Variants in TNPO1 observed in about 807,000 individuals in gnomAD.
TNPO1 encodes the protein transportin-1.
In TNPO1, 8 loss-of-function variants were observed where a neutral mutation model predicts 119.5. The observed-to-expected ratio is 0.07, with a 90% CI of 0.04 to 0.12. The LOEUF is 0.12. Ranked by LOEUF, TNPO1 falls within the 10% of genes least tolerant of loss-of-function variation. The probability of loss-of-function intolerance (pLI) is 1.00; values close to 1 mark genes in which losing one functional copy is unlikely to be tolerated. For missense variants in TNPO1, 576 were observed against 1,089.8 expected, an observed-to-expected ratio of 0.53 and a Z score of 6.64; for synonymous variants, 362 against 363.0, an observed-to-expected ratio of 1.00 and a Z score of 0.03.
chr5:72,878,063 C>CT, intron 9 of TNPO1, among the ~76,000 whole-genome samples: 1 of 152,000 alleles, frequency 6.6e-6, no homozygotes, highest in East Asian at 1.9e-4. Flanking sequence ...TGTCATTAGT[C>CT]TTTAAAACTT....
At chr5:72,887,768 TC>T (rs1387584317) in intron 12 of TNPO1, among the ~76,000 whole-genome samples, 1 of 152,122 alleles carries the variant, frequency 6.6e-6, no homozygotes, top group African/African-American at 2.4e-5. Flanking sequence ...TAAAAAAAAA[TC>T]CTTGATTCTT....
At chr5:72,817,553 G>GGATGTTAT (rs1743755354) in intron 1 of TNPO1, among the ~76,000 whole-genome samples, 2 of 152,116 alleles carry the variant, frequency 1.3e-5, no homozygotes, top group African/African-American at 4.8e-5. Context: ...TATCTTAATC[G>GGATGTTAT]CTAATCAGGA....
chr5:72,868,778 C>T (rs1016453690), intron 6 of TNPO1, among the ~76,000 whole-genome samples: 1 of 151,774 alleles, frequency 6.6e-6, no homozygotes, highest in African/African-American at 2.4e-5. Context: ...AGGCTGGGCG[C>T]GGTGGATCAC....
In TNPO1 at chr5:72,911,291, A is replaced by G. The variant is rs1193517887; in HGVS notation, c.*2618A>G. The G allele has an allele frequency of 1.3e-5, 2 of 152,146 alleles. No homozygotes were observed. Among genetic ancestry groups the G allele is most frequent in the East Asian group, 3.8e-4 (2 of 5,202 alleles). 9.4% of individuals were successfully genotyped at this position (152,146 alleles called of 1,614,324 possible). A position where few individuals can be genotyped will look rare whatever the true frequency, so the allele number is the denominator to read the frequency against. On this transcript the variant is annotated 3_prime_UTR_variant, in exon 25 of 25. Coordinates refer to ENST00000337273, the MANE Select transcript of TNPO1 (RefSeq NM_002270.4). ...TTAGGCAGATGAATAACACTATTAA[A>G]AATGCACCCAGTTTTGTAGTCACTT...
chr5:72,877,911 CA>C (rs1273429792), intron 9 of TNPO1, among the ~76,000 whole-genome samples: 1 of 152,032 alleles, frequency 6.6e-6, no homozygotes, highest in Non-Finnish European at 1.5e-5. Flanking sequence ...AGCATGTATT[CA>C]GGGGGTTTGA....
intron 13 of TNPO1, 123 bp from the exon 14 acceptor site, chr5:72,889,663 C>T (rs1748909798): frequency 1.0e-6 from 1 of 1,000,570 alleles, no homozygotes; most frequent in Admixed American, 3.1e-5. Context: ...CTTTCATTAA[C>T]AGATGGCTTA....
At chr5:72,849,001 T>A (rs983738491) in intron 2 of TNPO1, among the ~76,000 whole-genome samples, 2 of 152,022 alleles carry the variant, frequency 1.3e-5, no homozygotes, top group Non-Finnish European at 2.9e-5. Flanking sequence ...GCGCGGGGTT[T>A]GAACTGCAGC....
At chr5:72,869,021 A>T (rs1747168957) in intron 6 of TNPO1, among the ~76,000 whole-genome samples, 1 of 152,220 alleles carries the variant, frequency 6.6e-6, no homozygotes, top group African/African-American at 2.4e-5. Context: ...AAATAAAAAA[A>T]GTTTATAACA....
intron 6 of TNPO1, among the ~76,000 whole-genome samples, chr5:72,867,316 TATG>T (rs1746985641): frequency 6.6e-6 from 1 of 152,180 alleles, no homozygotes; most frequent in Non-Finnish European, 1.5e-5. Flanking sequence ...CCATCTTTAA[TATG>T]ATATTCTACA....
At chr5:72,906,801 C>G (rs1163722731) in intron 24 of TNPO1, among the ~76,000 whole-genome samples, 1 of 152,086 alleles carries the variant, frequency 6.6e-6, no homozygotes, top group African/African-American at 2.4e-5. Context: ...GCCTGGCACA[C>G]TAAGTTGACT....
chr5:72,862,041 T>A, intron 5 of TNPO1, 127 bp downstream of exon 5: 1 of 622,410 alleles, frequency 1.6e-6, no homozygotes. Flanking sequence ...AAACCTAAAG[T>A]TACCTTTGTG....
chr5:72,873,427 G>GT (rs1173958556), intron 7 of TNPO1, among the ~76,000 whole-genome samples: 3 of 152,098 alleles, frequency 2.0e-5, no homozygotes, highest in Non-Finnish European at 2.9e-5. Context: ...AGTAGGGGGG[G>GT]TTACGTTACT....
In TNPO1 at chr5:72,848,501, A is replaced by G. The variant is rs1745263529; in HGVS notation, c.129+3A>G. ...CCATCCAGAGAACCGTGCAACAAGT[A>G]TCCTTTCCGAGGCCTGGCCGCCACC... is the stretch of plus-strand genomic sequence containing the variant. On this transcript the variant is annotated splice_donor_region_variant and intron_variant, in intron 2 of 24. Coordinates refer to ENST00000337273, the MANE Select transcript of TNPO1 (RefSeq NM_002270.4). The G allele has an allele frequency of 1.9e-6, 3 of 1,551,224 alleles. No individual in the cohort carries two copies. The highest frequency in any genetic ancestry group is 1.2e-5 in the South Asian group (1 of 84,452).
intron 24 of TNPO1, among the ~76,000 whole-genome samples, chr5:72,906,352 C>T (rs897817635): frequency 1.7e-5 from 2 of 116,432 alleles, no homozygotes; most frequent in East Asian, 3.0e-4. Flanking sequence ...AGTGCAGTGG[C>T]GCAATCTGAG....
chr5:72,862,802 C>T (rs1390695841), intron 5 of TNPO1, among the ~76,000 whole-genome samples: 1 of 152,088 alleles, frequency 6.6e-6, no homozygotes, highest in Non-Finnish European at 1.5e-5. Flanking sequence ...TGAGCCACCA[C>T]GCCCGCCTAA....
In TNPO1 at chr5:72,893,543, T is replaced by C. The variant is rs1263902403; in HGVS notation, c.2055+8T>C. On this transcript the variant is annotated splice_region_variant and intron_variant, in intron 17 of 24. Transcript: ENST00000337273. ...ATGTATCAGTGCATGCAGGTGAGACTTGAAAGGTGAAAATGAATTGAAGCC... is the reference window on the plus strand; with the variant it reads ...ATGTATCAGTGCATGCAGGTGAGACCTGAAAGGTGAAAATGAATTGAAGCC... 4 of 1,614,086 alleles carry C rather than the reference T, an allele frequency of 2.5e-6. No individual in the cohort carries two copies. The highest frequency in any genetic ancestry group is 3.4e-6 in the Non-Finnish European group (4 of 1,180,034).
chr5:72,867,707 G>A (rs922556534), intron 6 of TNPO1, among the ~76,000 whole-genome samples: 1 of 152,120 alleles, frequency 6.6e-6, no homozygotes, highest in Non-Finnish European at 1.5e-5. Flanking sequence ...TAATTTTATT[G>A]CATGCATATG....
intron 3 of TNPO1, among the ~76,000 whole-genome samples, chr5:72,853,202 G>A (rs1745720776): frequency 6.6e-6 from 1 of 152,176 alleles, no homozygotes; most frequent in African/African-American, 2.4e-5. Flanking sequence ...TGTAATCCCA[G>A]CACTTTGAGA....
chr5:72,872,369 T>C (rs1307812719), intron 6 of TNPO1, among the ~76,000 whole-genome samples: 1 of 152,184 alleles, frequency 6.6e-6, no homozygotes, highest in Non-Finnish European at 1.5e-5. Context: ...ACCTCCACTC[T>C]TTATGGGTAT....
Sources: gnomAD v4.1 joint callset for allele counts (sites outside exome capture counted in the v4.1 genomes callset) on GRCh38, gnomAD v4.1.1 for gene constraint, MANE v1.5 for transcripts, NCBI Gene and HGNC (gene_info 2026-07-23, HGNC 2026-07-21) for gene names.